AGPAT3: variants seen among roughly 807,000 people sequenced by gnomAD.
The protein encoded by AGPAT3 is 1-acylglycerol-3-phosphate O-acyltransferase 3, also known as 1-acyl-sn-glycerol-3-phosphate acyltransferase gamma.
Under a neutral mutation model 47.3 loss-of-function variants are expected in AGPAT3, and 5 were observed. That is an observed-to-expected ratio of 0.11 (90% CI 0.06 to 0.22). The LOEUF (loss-of-function observed/expected upper bound fraction) is 0.22. AGPAT3 is among the 10% of genes least tolerant of loss of function. The probability of loss-of-function intolerance (pLI) is 1.00; values close to 1 mark genes in which losing one functional copy is unlikely to be tolerated. For missense variants in AGPAT3, 315 were observed against 493.0 expected, an observed-to-expected ratio of 0.64 and a Z score of 3.42; for synonymous variants, 212 against 208.3, an observed-to-expected ratio of 1.02 and a Z score of -0.15.
rs2089394397 is a variant in AGPAT3, at chr21:43,971,526, C to T, written c.767+36C>T. ...ACCCTGTGGCTCTCGCGCCGCCCCC[C>T]ATACCTTCATGAGCTTGCGCTGGGC... On this transcript the variant is annotated intron_variant, in intron 7 of 9. Transcript: ENST00000291572. The T allele has an allele frequency of 1.3e-6, 2 of 1,598,402 alleles. 1 individual carries two copies. The highest frequency in any genetic ancestry group is 2.2e-5 in the South Asian group (2 of 90,674).
At chr21:43,946,319 G>A (rs1473784264) in intron 2 of AGPAT3, among the ~76,000 whole-genome samples, 1 of 151,726 alleles carries the variant, frequency 6.6e-6, no homozygotes, top group Non-Finnish European at 1.5e-5. Flanking sequence ...AGTGCATGAG[G>A]CCAGGCACAG....
intron 2 of AGPAT3, among the ~76,000 whole-genome samples, chr21:43,936,058 C>T (rs2087435734): frequency 1.3e-5 from 2 of 152,240 alleles, no homozygotes; most frequent in African/African-American, 2.4e-5. Flanking sequence ...ATGCCGCAGC[C>T]CTGGCCCCCA....
In AGPAT3 at chr21:43,970,868, T is replaced by TAAAA; in HGVS notation, c.664+73_664+76dup. On this transcript the variant is annotated intron_variant, in intron 6 of 9. Coordinates refer to ENST00000291572, the MANE Select transcript of AGPAT3 (RefSeq NM_020132.5). This position sits in a 1 kb window ranked among gnomAD's most constrained non-coding sequence, Gnocchi z 5.8. ...TGCTCACGGAAAATAGTGATTTCTT[T>TAAAA]AAAAAAAAAAAAAATGAGTGCATTC... 1.7e-6 allele frequency: 2 copies of TAAAA among 1,147,382 alleles called. No homozygotes were observed. Among genetic ancestry groups the TAAAA allele is most frequent in the Non-Finnish European group, 2.3e-6 (2 of 875,320 alleles). 71.1% of individuals were successfully genotyped at this position (1,147,382 alleles called of 1,614,324 possible).
At chr21:43,915,405 CTTTTTTTTTTT>C (rs747494231) in intron 2 of AGPAT3, among the ~76,000 whole-genome samples, 2 of 38,848 alleles carry the variant, frequency 5.1e-5, no homozygotes, top group South Asian at 2.1e-3. Context: ...TCTTGATTAG[CTTTTTTTTTTT>C]TTTTTTTTTT....
chr21:43,974,842 G>A (rs1247843136), intron 7 of AGPAT3, among the ~76,000 whole-genome samples: 1 of 152,180 alleles, frequency 6.6e-6, no homozygotes, highest in East Asian at 1.9e-4. Context: ...TCTGCGCCTC[G>A]GTTGTTCCTC....
intron 7 of AGPAT3, among the ~76,000 whole-genome samples, chr21:43,975,215 G>C (rs1277866262): frequency 6.8e-6 from 1 of 146,334 alleles, no homozygotes; most frequent in Non-Finnish European, 1.5e-5. Context: ...GTTCTGGTGT[G>C]TGCTGGTGTG....
intron 1 of AGPAT3, among the ~76,000 whole-genome samples, chr21:43,888,533 T>TA (rs1420511047): frequency 2.6e-5 from 4 of 152,088 alleles, no homozygotes; most frequent in African/African-American, 9.7e-5. Flanking sequence ...CCCCGGAACT[T>TA]AAAATAAAAG....
Position 43,866,864 on chromosome 21 carries a change from G to T in AGPAT3, c.-112+1519G>T, listed in dbSNP as rs553560731. 7.9e-5 allele frequency among the ~76,000 whole-genome samples: 12 copies of T among 152,352 alleles called. 1 individual carries two copies. In the South Asian group the frequency reaches 2.5e-3, roughly 32 times the overall value. On this transcript the variant is annotated intron_variant, in intron 1 of 9. Coordinates refer to ENST00000291572, the MANE Select transcript of AGPAT3 (RefSeq NM_020132.5). ...CCTGGCGTATCTGCCAGGGGGACGC[G>T]CTGCAGCAGCCTGAAGACTGCTGGG...
At position 43,986,953 on chromosome 21, in the gene AGPAT3, A is replaced by T. The variant is rs1314903331; in HGVS notation, c.*4561A>T. On this transcript the variant is annotated 3_prime_UTR_variant, in exon 10 of 10. Transcript: ENST00000291572. Reference sequence around the variant, plus strand: ...GGTGAGGGCTGCTAACTTACACTTCAGAGGCCTGTGTCCCAAAGGCCTGGC... The same window carrying T: ...GGTGAGGGCTGCTAACTTACACTTCTGAGGCCTGTGTCCCAAAGGCCTGGC... Among the ~76,000 whole-genome samples the T allele has an allele frequency of 6.6e-6, 1 of 152,212 alleles. No homozygotes were observed. Among genetic ancestry groups the T allele is most frequent in the African/African-American group, 2.4e-5 (1 of 41,446 alleles).
chr21:43,917,026 G>A (rs1045076889), intron 2 of AGPAT3, among the ~76,000 whole-genome samples: 4 of 152,078 alleles, frequency 2.6e-5, no homozygotes, highest in African/African-American at 9.7e-5. Context: ...AGAGCCCGTG[G>A]CCCCTCTCTC....
chr21:43,969,728 C>T (rs572630118), intron 5 of AGPAT3, among the ~76,000 whole-genome samples: 104 of 152,168 alleles, frequency 6.8e-4, no homozygotes, highest in Admixed American at 3.1e-3. Context: ...AACGGAGTCT[C>T]GCTCTGTCGC....
rs1026382403 is a variant in AGPAT3, at chr21:43,981,574, A to G, written c.1042+387A>G. On this transcript the variant is annotated intron_variant, in intron 9 of 9. Coordinates refer to ENST00000291572, the MANE Select transcript of AGPAT3 (RefSeq NM_020132.5). The surrounding 1 kb of genome is among the most constrained non-coding windows in gnomAD (Gnocchi z 5.3). ...GGACATCATCATTCAGCTCCTCCCC[A>G]TTGACCCCCAGTGACTTCCCCACTG... Among the ~76,000 whole-genome samples the G allele has an allele frequency of 6.6e-6, 1 of 151,870 alleles. No homozygotes were observed. Among genetic ancestry groups the G allele is most frequent in the Non-Finnish European group, 1.5e-5 (1 of 67,964 alleles).
At chr21:43,935,224 C>G (rs1040995845) in intron 2 of AGPAT3, among the ~76,000 whole-genome samples, 1 of 152,292 alleles carries the variant, frequency 6.6e-6, no homozygotes. Context: ...GTGTCACACA[C>G]TGGGCCGTGT....
intron 2 of AGPAT3, 120 bp from the exon 3 acceptor site, chr21:43,959,514 G>A: frequency 1.2e-6 from 1 of 853,732 alleles, no homozygotes; most frequent in Non-Finnish European, 1.9e-6. Flanking sequence ...GCAGTGTGCT[G>A]TGCAGCATGT....
At chr21:43,876,394 A>C (rs1328730814) in intron 1 of AGPAT3, among the ~76,000 whole-genome samples, 4 of 152,202 alleles carry the variant, frequency 2.6e-5, no homozygotes, top group Admixed American at 2.6e-4. Context: ...TTGTGGGCTC[A>C]TTTCACATGG....
chr21:43,915,660 C>T (rs924063747), intron 2 of AGPAT3, among the ~76,000 whole-genome samples: 14 of 152,106 alleles, frequency 9.2e-5, no homozygotes, highest in Admixed American at 2.6e-4. Context: ...GATCCACCCG[C>T]GTTGGTCTCC....
chr21:43,881,377 A>G (rs1368140510), intron 1 of AGPAT3, among the ~76,000 whole-genome samples: 1 of 152,220 alleles, frequency 6.6e-6, no homozygotes, highest in Non-Finnish European at 1.5e-5. Flanking sequence ...AAAATTCTTA[A>G]CATGCAGACA....
chr21:43,973,360 C>T (rs2089474651), intron 7 of AGPAT3, among the ~76,000 whole-genome samples: 1 of 152,232 alleles, frequency 6.6e-6, no homozygotes, highest in Non-Finnish European at 1.5e-5. Flanking sequence ...GCTGGTGGCC[C>T]TGTGCCAGAT....
Position 43,949,372 on chromosome 21 carries a change from G to T in AGPAT3, c.-48-10262G>T, listed in dbSNP as rs550367306. Among the ~76,000 whole-genome samples the T allele has an allele frequency of 5.9e-5, 9 of 152,314 alleles. No individual in the cohort carries two copies. In the South Asian group the frequency reaches 1.9e-3, roughly 32 times the overall value. The stretch of plus-strand genomic sequence containing the variant: ...GGAGTGGCTGTCGTCAGCTAGAGCT[G>T]CCTGGAGAACCTCAGGTGGAATGGC... On this transcript the variant is annotated intron_variant, in intron 2 of 9. Coordinates refer to ENST00000291572, the MANE Select transcript of AGPAT3 (RefSeq NM_020132.5).
Sources: allele counts gnomAD v4.1 joint callset (sites outside exome capture counted in the v4.1 genomes callset), GRCh38; gene constraint gnomAD v4.1.1; non-coding constraint Gnocchi (gnomAD v3.1); transcripts MANE v1.5; gene names NCBI Gene and HGNC (gene_info 2026-07-23, HGNC 2026-07-21).